The following NAA60 variants were observed in gnomAD, a reference collection of about 807,000 sequenced individuals.
NAA60 encodes N-alpha-acetyltransferase 60, NatF catalytic subunit, also known as N-alpha-acetyltransferase 60.
In NAA60, 8 loss-of-function variants were observed where a neutral mutation model predicts 26.1. That is an observed-to-expected ratio of 0.31 (90% CI 0.18 to 0.55). The LOEUF is 0.55. NAA60 is among the 20% of genes least tolerant of loss of function. The probability of loss-of-function intolerance (pLI) is 0.93; values close to 1 mark genes in which losing one functional copy is unlikely to be tolerated. For missense variants in NAA60, 290 were observed against 311.3 expected (o/e 0.93, Z 0.51); for synonymous variants, 131 against 122.5 (o/e 1.07, Z -0.46).
chr16:3,476,028 G>A lies in NAA60; in HGVS notation c.-6-194G>A, dbSNP rs2036457075. The A allele has an allele frequency of 2.6e-5, 15 of 571,244 alleles. No homozygotes were observed. In the South Asian group the frequency reaches 3.1e-4, roughly 12 times the overall value. 35.4% of individuals were successfully genotyped at this position (571,244 alleles called of 1,614,324 possible). ...ATCCTGCCTGCCCTCCTGGGCCTGG[G>A]TCTTCCCAGCGATGGGGGCGACTGC... On this transcript the variant is annotated intron_variant, in intron 2 of 7. Coordinates refer to ENST00000407558, the MANE Select transcript of NAA60 (RefSeq NM_001083601.3).
At chr16:3,471,254 C>T (rs1016454069) in intron 2 of NAA60, among the ~76,000 whole-genome samples, 2 of 152,120 alleles carry the variant, frequency 1.3e-5, no homozygotes, top group African/African-American at 2.4e-5. Context: ...GTAATCCCAG[C>T]GCTTTGGGAG....
rs1298419263 is a variant in NAA60, at chr16:3,484,092, T to C, written c.572+495T>C. The stretch of plus-strand genomic sequence containing the variant: ...ATGCCCTTCCCTGCTTCTTCCTCCT[T>C]AACTTTCACTGGCCCCTGACAGGTC... On this transcript the variant is annotated intron_variant, in intron 6 of 7. Transcript: ENST00000407558. Among the ~76,000 whole-genome samples the C allele has an allele frequency of 2.6e-5, 4 of 152,212 alleles. No homozygotes were observed. The East Asian group carries it at 7.7e-4, about 29-fold the overall frequency.
intron 2 of NAA60, among the ~76,000 whole-genome samples, chr16:3,473,589 A>G (rs1325908618): frequency 1.3e-5 from 2 of 152,156 alleles, no homozygotes; most frequent in African/African-American, 4.8e-5. Flanking sequence ...ACCATATCAT[A>G]GTGTTTCACC....
chr16:3,443,940 C>T (rs1318848105), intron 1 of NAA60, 103 bp downstream of exon 1: 3 of 1,419,922 alleles, frequency 2.1e-6, no homozygotes, highest in Non-Finnish European at 2.8e-6. Context: ...CTTGAGCTGT[C>T]CTTTGTGTCT....
chr16:3,443,752 C>T lies in NAA60; in HGVS notation c.-162C>T. 6 of 1,532,046 alleles carry T rather than the reference C, an allele frequency of 3.9e-6. No individual in the cohort carries two copies. Among genetic ancestry groups the T allele is most frequent in the Non-Finnish European group, 5.2e-6 (6 of 1,144,874 alleles). The allele number at this position is 1,532,046 out of a possible 1,614,324, so 94.9% of individuals were successfully genotyped here. ...CTGCTGAAGTAGAGTCTTAGGGTGACCCCAGGGGGACGTAATGTTTCCGAG... is the reference window on the plus strand; with the variant it reads ...CTGCTGAAGTAGAGTCTTAGGGTGATCCCAGGGGGACGTAATGTTTCCGAG... On this transcript the variant is annotated 5_prime_UTR_variant, in exon 1 of 8. Transcript: ENST00000407558.
rs1202614771 is a variant in NAA60, at chr16:3,485,802, C to G, written c.*542C>G. The G allele has an allele frequency of 2.5e-6, 1 of 393,824 alleles. No individual in the cohort carries two copies. The highest frequency in any genetic ancestry group is 5.1e-6 in the Non-Finnish European group (1 of 194,928). 24.4% of individuals were successfully genotyped at this position (393,824 alleles called of 1,614,324 possible). A position where few individuals can be genotyped will look rare whatever the true frequency, so the allele number is the denominator to read the frequency against. ...AGCCTGGGGGGTGAGGAGTGGCCCC[C>G]ACTCCTCCATGAGGGGCTGATGAGG... On this transcript the variant is annotated 3_prime_UTR_variant, in exon 8 of 8. Coordinates refer to ENST00000407558, the MANE Select transcript of NAA60 (RefSeq NM_001083601.3).
intron 6 of NAA60, 187 bp downstream of exon 6, chr16:3,483,784 C>G: frequency 1.7e-6 from 1 of 594,574 alleles, no homozygotes; most frequent in African/African-American, 1.9e-5. Context: ...TCGAGTTGCA[C>G]ATATTACCAT....
chr16:3,465,450 CACTG>C (rs375926852), intron 2 of NAA60, among the ~76,000 whole-genome samples: 24 of 152,252 alleles, frequency 1.6e-4, no homozygotes, highest in African/African-American at 5.5e-4. Context: ...CCACTTCTGA[CACTG>C]ACTGAGTGGG....
rs118007068 is a variant in NAA60, at chr16:3,459,474, C to T, written c.-7+10934C>T. Among the ~76,000 whole-genome samples the T allele has an allele frequency of 9.4e-4, 143 of 152,258 alleles. 1 individual carries two copies. The East Asian group carries it at 0.018, about 20-fold the overall frequency. The stretch of plus-strand genomic sequence containing the variant: ...GTGAGATTAAAGACCAGAAGAAACT[C>T]GAGGGAGACTGCTGTATAAGTCCCA... On this transcript the variant is annotated intron_variant, in intron 2 of 7. Coordinates refer to ENST00000407558, the MANE Select transcript of NAA60 (RefSeq NM_001083601.3).
At chr16:3,446,797 G>C (rs1471865368) in intron 1 of NAA60, among the ~76,000 whole-genome samples, 1 of 151,988 alleles carries the variant, frequency 6.6e-6, no homozygotes, top group East Asian at 1.9e-4. Flanking sequence ...TTTTAGTAGA[G>C]ATGCAGTTTT....
chr16:3,466,647 G>C (rs1284238440), intron 2 of NAA60, among the ~76,000 whole-genome samples: 1 of 152,208 alleles, frequency 6.6e-6, no homozygotes, highest in African/African-American at 2.4e-5. Flanking sequence ...TTTAATTCTT[G>C]TGGTATGGAT....
chr16:3,445,004 C>T (rs1480766824), intron 1 of NAA60, among the ~76,000 whole-genome samples: 1 of 152,140 alleles, frequency 6.6e-6, no homozygotes, highest in African/African-American at 2.4e-5. Context: ...CAGTATCTGC[C>T]ACAAATGATA....
chr16:3,452,068 C>T (rs2034807539), intron 2 of NAA60, among the ~76,000 whole-genome samples: 2 of 151,076 alleles, frequency 1.3e-5, no homozygotes, highest in African/African-American at 2.4e-5. Flanking sequence ...AAAAAATTAG[C>T]CAGGTATGGT....
upstream of NAA60, chr16:3,443,615 G>A (rs1395663242): frequency 4.9e-6 from 4 of 824,058 alleles, no homozygotes; most frequent in South Asian, 2.2e-5. Flanking sequence ...CACCTTAACC[G>A]AGGACCTGTA....
At chr16:3,465,034 G>C (rs1248939367) in intron 2 of NAA60, among the ~76,000 whole-genome samples, 1 of 152,188 alleles carries the variant, frequency 6.6e-6, no homozygotes, top group East Asian at 1.9e-4. Flanking sequence ...TTGGGAGTCT[G>C]AGGCGGGTGG....
At chr16:3,478,965 G>A (rs538253854) in intron 3 of NAA60, among the ~76,000 whole-genome samples, 3 of 152,242 alleles carry the variant, frequency 2.0e-5, no homozygotes, top group African/African-American at 7.2e-5. Flanking sequence ...GCCAGGCGCG[G>A]TGGCTCACAC....
chr16:3,477,867 C>T (rs995865683), intron 3 of NAA60, among the ~76,000 whole-genome samples: 3 of 152,156 alleles, frequency 2.0e-5, no homozygotes, highest in African/African-American at 7.2e-5. Flanking sequence ...AGTTCAAGAC[C>T]AGCCTGTCCA....
In NAA60 at chr16:3,484,898, C is replaced by A; in HGVS notation, c.*43C>A. 9 of 1,548,794 alleles carry A rather than the reference C, an allele frequency of 5.8e-6. No individual in the cohort carries two copies. The highest frequency in any genetic ancestry group is 7.8e-6 in the Non-Finnish European group (9 of 1,146,996). ...CCACCAGGCCCCACCCTTCGGCCGC[C>A]CGCAGAGCCCGCCTTCCTGTCCATC... On this transcript the variant is annotated 3_prime_UTR_variant, in exon 7 of 8. Coordinates refer to ENST00000407558, the MANE Select transcript of NAA60 (RefSeq NM_001083601.3).
chr16:3,450,157 G>A lies in NAA60; in HGVS notation c.-7+1617G>A, dbSNP rs576812451. ...CATGCATACATTAATAAACCCTTCA[G>A]AACCATGAGTTGGGATAATTCACTG... On this transcript the variant is annotated intron_variant, in intron 2 of 7. Coordinates refer to ENST00000407558, the MANE Select transcript of NAA60 (RefSeq NM_001083601.3). 6.5e-5 allele frequency: 24 copies of A among 369,362 alleles called. 1 individual carries two copies. Among genetic ancestry groups the A allele is most frequent in the African/African-American group, 5.0e-4 (24 of 47,932 alleles). The allele number at this position is 369,362 out of a possible 1,614,324, so 22.9% of individuals were successfully genotyped here. A position where few individuals can be genotyped will look rare whatever the true frequency, so the allele number is the denominator to read the frequency against.
Sources: gnomAD v4.1 joint callset for allele counts (sites outside exome capture counted in the v4.1 genomes callset) on GRCh38, gnomAD v4.1.1 for gene constraint, MANE v1.5 for transcripts, NCBI Gene and HGNC (gene_info 2026-07-23, HGNC 2026-07-21) for gene names.